The following TMEM273 variants were observed in gnomAD, a reference collection of about 807,000 sequenced individuals.
TMEM273 encodes the protein chromosome 10 open reading frame 128.
A neutral mutation model predicts 17.9 loss-of-function variants in TMEM273; 19 were observed. The ratio of observed to expected loss-of-function variants is 1.06; its 90% CI spans 0.74 to 1.55. The LOEUF (loss-of-function observed/expected upper bound fraction) is 1.55, where lower values mean the gene tolerates loss of function less well. TMEM273 is among the 40% of genes most tolerant of loss of function. The probability of loss-of-function intolerance (pLI) is 0.00; values close to 1 mark genes in which losing one functional copy is unlikely to be tolerated. For synonymous variants in TMEM273, 66 were observed against 62.0 expected (o/e 1.07, Z -0.31); for missense variants, 194 against 155.6 (o/e 1.25, Z -1.31).
At chr10:49,165,055 C>T in intron 5 of TMEM273, 150 bp downstream of exon 5, 1 of 1,137,626 alleles carries the variant, frequency 8.8e-7, no homozygotes, top group Non-Finnish European at 1.2e-6. Context: ...GAAGACCCTA[C>T]CCGCCCGGAG....
intron 6 of TMEM273, chr10:49,161,156 A>G (rs1845816486): frequency 5.8e-6 from 1 of 172,104 alleles, no homozygotes; most frequent in Admixed American, 5.7e-5. Context: ...CTCCACATAC[A>G]GGCTTCGTCC....
chr10:49,177,087 C>T (rs955299303), intron 1 of TMEM273, among the ~76,000 whole-genome samples: 3 of 152,148 alleles, frequency 2.0e-5, no homozygotes, highest in Non-Finnish European at 4.4e-5. Context: ...GGAAGCCAGG[C>T]CTGGCCTGGG....
chr10:49,163,180 C>T (rs1479147552), intron 5 of TMEM273, among the ~76,000 whole-genome samples: 2 of 152,184 alleles, frequency 1.3e-5, no homozygotes, highest in African/African-American at 2.4e-5. Flanking sequence ...GAACTCTACT[C>T]TCCCGCATCA....
At chr10:49,186,967 A>C (rs1449310250) in intron 1 of TMEM273, among the ~76,000 whole-genome samples, 1 of 152,164 alleles carries the variant, frequency 6.6e-6, no homozygotes, top group Non-Finnish European at 1.5e-5. Context: ...TATTTGTGAG[A>C]CTGGACATTT....
chr10:49,162,997 G>T (rs1845938661), intron 5 of TMEM273, among the ~76,000 whole-genome samples: 1 of 152,214 alleles, frequency 6.6e-6, no homozygotes, highest in African/African-American at 2.4e-5. Flanking sequence ...TCTGAGTGCT[G>T]CCCTTGGGTC....
intron 6 of TMEM273, 92 bp downstream of exon 6, chr10:49,161,507 G>T: frequency 1.3e-6 from 2 of 1,549,596 alleles, no homozygotes; most frequent in Non-Finnish European, 1.8e-6. Flanking sequence ...GTGGCCAGGG[G>T]AGGGAGAGGT....
chr10:49,165,864 C>A, intron 3 of TMEM273, 68 bp from the exon 4 acceptor site: 2 of 1,592,428 alleles, frequency 1.3e-6, no homozygotes, highest in South Asian at 2.2e-5. Flanking sequence ...TTCCCTAGAG[C>A]TTTCACCTCC....
intron 1 of TMEM273, 89 bp downstream of exon 1, chr10:49,188,205 A>T: frequency 7.2e-7 from 1 of 1,394,760 alleles, no homozygotes; most frequent in Non-Finnish European, 1.0e-6. Flanking sequence ...GTTATGTTTT[A>T]GGGATCAAGC....
chr10:49,161,440 G>A (rs1217557979), intron 6 of TMEM273, 159 bp downstream of exon 6: 2 of 799,958 alleles, frequency 2.5e-6, no homozygotes, highest in Non-Finnish European at 4.2e-6. Flanking sequence ...CTGATTCCTG[G>A]TCTCACAGCT....
At chr10:49,182,172 G>T (rs1395235858) in intron 1 of TMEM273, among the ~76,000 whole-genome samples, 2 of 152,116 alleles carry the variant, frequency 1.3e-5, no homozygotes, top group Non-Finnish European at 2.9e-5. Context: ...TTGTTATGCA[G>T]CAAAATAAAA....
chr10:49,156,527 G>A (rs1306399713), intron 6 of TMEM273, among the ~76,000 whole-genome samples: 1 of 152,218 alleles, frequency 6.6e-6, no homozygotes, highest in Non-Finnish European at 1.5e-5. Context: ...CATGCCTTGA[G>A]ACCAAATTCA....
intron 1 of TMEM273, chr10:49,178,469 G>A (rs995486107): frequency 1.4e-5 from 5 of 356,278 alleles, no homozygotes; most frequent in Non-Finnish European, 2.8e-5. Context: ...GAGGGGAACA[G>A]CATCATCCCA....
At chr10:49,181,694 A>G (rs1456712694) in intron 1 of TMEM273, among the ~76,000 whole-genome samples, 1 of 152,206 alleles carries the variant, frequency 6.6e-6, no homozygotes, top group Non-Finnish European at 1.5e-5. Context: ...ACTTTAAACA[A>G]AAAGAGCTCA....
chr10:49,175,536 T>C (rs1356210474), intron 1 of TMEM273, among the ~76,000 whole-genome samples: 2 of 152,236 alleles, frequency 1.3e-5, no homozygotes, highest in Non-Finnish European at 2.9e-5. Flanking sequence ...TGGTGCCCAC[T>C]TTGTTTTTCT....
intron 4 of TMEM273, 96 bp downstream of exon 4, chr10:49,165,670 T>G (rs1041685468): frequency 1.3e-6 from 2 of 1,534,624 alleles, no homozygotes; most frequent in Non-Finnish European, 1.8e-6. Context: ...CATGCCAGAG[T>G]GCAGAGAAGG....
intron 1 of TMEM273, among the ~76,000 whole-genome samples, chr10:49,187,566 C>G (rs1314877678): frequency 1.3e-5 from 2 of 152,134 alleles, no homozygotes; most frequent in Non-Finnish European, 2.9e-5. Context: ...AGGCATGTGT[C>G]TCTCTCCATC....
At chr10:49,179,011 G>A (rs61848459) in intron 1 of TMEM273, among the ~76,000 whole-genome samples, 10,333 of 152,264 alleles carry the variant, frequency 0.068, 485 homozygotes, top group Middle Eastern at 0.11. Flanking sequence ...GTTTGCAAAG[G>A]TGTGAACAGG....
At chr10:49,185,913 G>A (rs1406720316) in intron 1 of TMEM273, among the ~76,000 whole-genome samples, 1 of 151,784 alleles carries the variant, frequency 6.6e-6, no homozygotes, top group Non-Finnish European at 1.5e-5. Flanking sequence ...AGGAGGTGGA[G>A]GTTGCGGTGA....
intron 1 of TMEM273, among the ~76,000 whole-genome samples, chr10:49,187,659 T>C (rs1349944032): frequency 1.3e-5 from 2 of 152,238 alleles, no homozygotes; most frequent in African/African-American, 2.4e-5. Flanking sequence ...TTTCTTCCTC[T>C]CTGTCTACTT....
Sources: gnomAD v4.1 joint callset for allele counts (sites outside exome capture counted in the v4.1 genomes callset) on GRCh38, gnomAD v4.1.1 for gene constraint, MANE v1.5 for transcripts, NCBI Gene and HGNC (gene_info 2026-07-23, HGNC 2026-07-21) for gene names.